ASAP1: variants seen among roughly 807,000 people sequenced by gnomAD.
ASAP1 encodes ArfGAP with SH3 domain, ankyrin repeat and PH domain 1.
A neutral mutation model predicts 145.2 loss-of-function variants in ASAP1; 43 were observed. The ratio of observed to expected loss-of-function variants is 0.30; its 90% CI spans 0.23 to 0.38. The LOEUF (loss-of-function observed/expected upper bound fraction) is 0.38. ASAP1 is among the 10% of genes least tolerant of loss of function. ASAP1 has a pLI of 1.00. For missense variants in ASAP1, 1,018 were observed against 1,355.3 expected (o/e 0.75, Z 3.91); for synonymous variants, 546 against 515.5 (o/e 1.06, Z -0.80).
chr8:130,135,436 G>A (rs187646966), intron 14 of ASAP1, among the ~76,000 whole-genome samples: 8 of 152,206 alleles, frequency 5.3e-5, no homozygotes, highest in African/African-American at 9.6e-5. Context: ...AGTGAGCTGC[G>A]ACTGAACCAC....
At chr8:130,073,542 G>A (rs1203489482) in intron 27 of ASAP1, among the ~76,000 whole-genome samples, 2 of 152,186 alleles carry the variant, frequency 1.3e-5, no homozygotes, top group East Asian at 3.8e-4. Flanking sequence ...AGGTGGAGGA[G>A]ACGAGAAAGC....
At chr8:130,409,346 G>A (rs1345423513) in intron 1 of ASAP1, among the ~76,000 whole-genome samples, 1 of 152,080 alleles carries the variant, frequency 6.6e-6, no homozygotes, top group Non-Finnish European at 1.5e-5. Flanking sequence ...TGGGGATTTT[G>A]TACTAATCGC....
intron 18 of ASAP1, among the ~76,000 whole-genome samples, 182 bp downstream of exon 18, chr8:130,123,831 T>C (rs1166156360): frequency 6.6e-6 from 1 of 151,754 alleles, no homozygotes; most frequent in Non-Finnish European, 1.5e-5. Context: ...GGTTTCACCG[T>C]GTTAGCCAGG....
chr8:130,152,527 G>T, intron 13 of ASAP1: 1 of 382,826 alleles, frequency 2.6e-6, no homozygotes. Context: ...TTTTGAGAGA[G>T]CAAAAAAACA....
At chr8:130,152,513 T>C (rs756180205) in intron 13 of ASAP1, 59 of 368,264 alleles carry the variant, frequency 1.6e-4, no homozygotes, top group Middle Eastern at 7.1e-4. Context: ...AAATACCGTA[T>C]TCATTTTGAG....
At chr8:130,309,370 G>C (rs1823189977) in intron 3 of ASAP1, among the ~76,000 whole-genome samples, 1 of 152,148 alleles carries the variant, frequency 6.6e-6, no homozygotes, top group Admixed American at 6.5e-5. Context: ...AGAGGTGATG[G>C]GTGGCAAGGT....
intron 3 of ASAP1, among the ~76,000 whole-genome samples, chr8:130,256,782 T>C (rs1365576534): frequency 3.6e-5 from 4 of 110,870 alleles, no homozygotes; most frequent in Non-Finnish European, 7.7e-5. Context: ...TATATATATA[T>C]CCTTATATAT....
intron 27 of ASAP1, among the ~76,000 whole-genome samples, chr8:130,063,817 C>T (rs563036540): frequency 6.6e-6 from 1 of 152,182 alleles, no homozygotes; most frequent in Non-Finnish European, 1.5e-5. Context: ...GTGCCCAGCA[C>T]CCTTTCAGGC....
In ASAP1 at chr8:130,052,125, GTTTA is replaced by G. The variant is rs964541883; in HGVS notation, c.*2602_*2605del. 9 of 152,642 alleles carry G rather than the reference GTTTA, an allele frequency of 5.9e-5. No individual in the cohort carries two copies. Among genetic ancestry groups the G allele is most frequent in the African/African-American group, 2.2e-4 (9 of 41,456 alleles). 9.5% of individuals were successfully genotyped at this position (152,642 alleles called of 1,614,324 possible). ...GAAGTTTGGGATCAACTGAGAATAT[GTTTA>G]TTTAAAAGCAATTTTAAATATTAAA... On this transcript the variant is annotated 3_prime_UTR_variant, in exon 30 of 30. Coordinates refer to ENST00000518721, the MANE Select transcript of ASAP1 (RefSeq NM_018482.4).
intron 3 of ASAP1, among the ~76,000 whole-genome samples, chr8:130,348,020 T>C (rs954430787): frequency 2.0e-5 from 3 of 152,046 alleles, no homozygotes; most frequent in Non-Finnish European, 4.4e-5. Flanking sequence ...AAAAGAGGAG[T>C]TGGACTAGAT....
intron 3 of ASAP1, among the ~76,000 whole-genome samples, chr8:130,295,792 A>G (rs143777301): frequency 5.7e-4 from 86 of 152,116 alleles, no homozygotes; most frequent in African/African-American, 2.0e-3. Context: ...TTTTTTTCCT[A>G]TCAATCCCTA....
chr8:130,398,873 T>C (rs1371626779), intron 2 of ASAP1, among the ~76,000 whole-genome samples: 1 of 152,238 alleles, frequency 6.6e-6, no homozygotes, highest in African/African-American at 2.4e-5. Flanking sequence ...GTCAGCACGA[T>C]CTTTCAAGAA....
At chr8:130,403,817 G>T (rs1225727697) in intron 1 of ASAP1, among the ~76,000 whole-genome samples, 2 of 152,106 alleles carry the variant, frequency 1.3e-5, no homozygotes, top group Non-Finnish European at 2.9e-5. Context: ...GCCTCCCAAA[G>T]TGCTGGGATT....
chr8:130,223,578 G>A (rs985107812), intron 4 of ASAP1, among the ~76,000 whole-genome samples: 1 of 152,006 alleles, frequency 6.6e-6, no homozygotes, highest in Non-Finnish European at 1.5e-5. Context: ...CTGTGATCTA[G>A]GGCAATTTAT....
At chr8:130,166,518 G>T (rs1424996720) in intron 11 of ASAP1, among the ~76,000 whole-genome samples, 1 of 152,102 alleles carries the variant, frequency 6.6e-6, no homozygotes, top group South Asian at 2.1e-4. Flanking sequence ...GCAGCCCCTT[G>T]AATATGCTGG....
intron 2 of ASAP1, among the ~76,000 whole-genome samples, chr8:130,362,389 T>G (rs1042142848): frequency 6.6e-6 from 1 of 152,216 alleles, no homozygotes; most frequent in Non-Finnish European, 1.5e-5. Flanking sequence ...GGGAACACAC[T>G]TTTTATTACA....
At chr8:130,109,316 G>A (rs776813459) in intron 24 of ASAP1, among the ~76,000 whole-genome samples, 1 of 152,126 alleles carries the variant, frequency 6.6e-6, no homozygotes, top group African/African-American at 2.4e-5. Flanking sequence ...TCACTTGTAA[G>A]CACAAGGGGG....
chr8:130,401,198 A>G (rs1828781157), intron 2 of ASAP1, among the ~76,000 whole-genome samples: 3 of 152,026 alleles, frequency 2.0e-5, no homozygotes, highest in Admixed American at 2.0e-4. Context: ...AGAAATTCTT[A>G]CTTGGCAGGA....
In ASAP1 at chr8:130,188,199, G is replaced by C. The variant is rs775114845; in HGVS notation, c.406-16C>G. ...AACCCTGGAGCTGAAAAAGCAAAGG[G>C]AAGATGGGAGATGGTTAAAAAATAA... On this transcript the variant is annotated splice_polypyrimidine_tract_variant and intron_variant, in intron 5 of 29. Coordinates refer to ENST00000518721, the MANE Select transcript of ASAP1 (RefSeq NM_018482.4). The C allele has an allele frequency of 6.3e-7, 1 of 1,596,612 alleles. No individual in the cohort carries two copies. The highest frequency in any genetic ancestry group is 8.6e-7 in the Non-Finnish European group (1 of 1,164,842).
Sources: gnomAD v4.1 joint callset for allele counts (sites outside exome capture counted in the v4.1 genomes callset) on GRCh38, gnomAD v4.1.1 for gene constraint, MANE v1.5 for transcripts, NCBI Gene and HGNC (gene_info 2026-07-23, HGNC 2026-07-21) for gene names.